Variants in CERCAM observed in about 807,000 individuals in gnomAD.
CERCAM encodes the protein inactive glycosyltransferase 25 family member 3.
A neutral mutation model predicts 66.0 loss-of-function variants in CERCAM; 59 were observed. The ratio of observed to expected loss-of-function variants is 0.89; its 90% CI spans 0.73 to 1.11. CERCAM has a LOEUF of 1.11. Ranked by LOEUF, CERCAM falls within the 50% of genes most tolerant of loss-of-function variation. The probability of loss-of-function intolerance (pLI) is 0.00; values close to 1 mark genes in which losing one functional copy is unlikely to be tolerated. For missense variants in CERCAM, 840 were observed against 828.3 expected (o/e 1.01, Z -0.17); for synonymous variants, 318 against 343.6 (o/e 0.93, Z 0.83).
In CERCAM at chr9:128,424,520, AGG is replaced by A; in HGVS notation, c.675_676del (p.Ala226ArgfsTer38). 1.2e-6 allele frequency: 2 copies of A among 1,613,872 alleles called. No homozygotes were observed. The highest frequency in any genetic ancestry group is 1.7e-6 in the Non-Finnish European group (2 of 1,180,004). On this transcript the variant is annotated frameshift_variant, in exon 5 of 13. Transcript: ENST00000372838. LOFTEE classifies it high-confidence loss of function. ...CCTTCCTTGCATCCCTGCGGGCTGA[AGG>A]GGCAGACCAGCTTGCTTTCTACCCG... ...STFLASLRAE[G>X]ADQLAFYPPH... is the part of the protein sequence containing the mutation.
intron 3 of CERCAM, 170 bp from the exon 4 acceptor site, chr9:128,423,968 G>C (rs1475116151): frequency 5.5e-6 from 4 of 721,128 alleles, no homozygotes; most frequent in Non-Finnish European, 9.3e-6. Flanking sequence ...CAGTGCCCCA[G>C]ACTAGAGCCT....
At chr9:128,421,173 A>G (rs1833701464) in intron 1 of CERCAM, 99 bp downstream of exon 1, 3 of 1,253,432 alleles carry the variant, frequency 2.4e-6, no homozygotes, top group African/African-American at 1.6e-5. Flanking sequence ...CCCTGCCCAG[A>G]CACCACCTAG....
upstream of CERCAM, chr9:128,419,317 G>A (rs1833658016): frequency 6.6e-6 from 1 of 152,286 alleles, no homozygotes; most frequent in Non-Finnish European, 1.5e-5. Context: ...CCCTCCCCTT[G>A]CAGTGGAGAT....
chr9:128,426,147 G>A lies in CERCAM; in HGVS notation c.766+1533G>A, dbSNP rs187573368. Among the ~76,000 whole-genome samples, 598 of 152,190 alleles carry A rather than the reference G, an allele frequency of 3.9e-3. 2 individuals carry two copies. The highest frequency in any genetic ancestry group is 0.013 in the African/African-American group (523 of 41,542). ...AAAAAAATTTAAAAATTAACTTGGC[G>A]TGTTGGCCCACGCCTGTAGTCCCAG... On this transcript the variant is annotated intron_variant, in intron 5 of 12. Coordinates refer to ENST00000372838, the MANE Select transcript of CERCAM (RefSeq NM_016174.5).
At chr9:128,421,639 G>A (rs1284668123) in intron 1 of CERCAM, 3 of 589,196 alleles carry the variant, frequency 5.1e-6, no homozygotes, top group African/African-American at 4.1e-5. Context: ...TGTCAGCCAA[G>A]GGCAGTCCCC....
At position 128,435,869 on chromosome 9, in the gene CERCAM, G is replaced by A; in HGVS notation, c.1752G>A (p.Gly584=). The change falls in exon 12 of 13, where the codon GGG becomes GGA. Residue 584 remains glycine (G), a synonymous_variant. Coordinates refer to ENST00000372838, the MANE Select transcript of CERCAM (RefSeq NM_016174.5). ...SPRLDLTGSS[G]HSLQPQPRDE... ...GCCTGGACCTGACTGGCAGCAGCGG[G>A]CACAGCCTCCAACCCCAGCCCCGAG... 6.2e-7 allele frequency: 1 copy of A among 1,607,788 alleles called. No individual in the cohort carries two copies.
In CERCAM at chr9:128,434,002, C is replaced by T; in HGVS notation, c.1204-100C>T. On this transcript the variant is annotated intron_variant, in intron 9 of 12. Transcript: ENST00000372838. The surrounding 1 kb of genome is among the most constrained non-coding windows in gnomAD (Gnocchi z 4.5). ...CTTTGGGGCAACTGCATGATGTGGC[C>T]AGGCCAACTGAGGCCAGGCAGAGGC... 1 of 1,508,478 alleles carries T rather than the reference C, an allele frequency of 6.6e-7. No homozygotes were observed. Among genetic ancestry groups the T allele is most frequent in the Non-Finnish European group, 9.0e-7 (1 of 1,116,758 alleles). 93.4% of individuals were successfully genotyped at this position (1,508,478 alleles called of 1,614,324 possible). A position where few individuals can be genotyped will look rare whatever the true frequency, so the allele number is the denominator to read the frequency against.
At chr9:128,430,955 G>T in intron 8 of CERCAM, 1 of 515,916 alleles carries the variant, frequency 1.9e-6, no homozygotes, top group East Asian at 3.2e-5. Flanking sequence ...GTTTCAGTGA[G>T]CTGAGATGGT....
intron 5 of CERCAM, among the ~76,000 whole-genome samples, chr9:128,427,336 C>T (rs1157514773): frequency 1.3e-5 from 2 of 151,974 alleles, no homozygotes; most frequent in Non-Finnish European, 2.9e-5. Flanking sequence ...TGGTCTTGAA[C>T]TCCTGACCTC....
chr9:128,429,854 T>A (rs1833934946), intron 8 of CERCAM, among the ~76,000 whole-genome samples: 1 of 151,834 alleles, frequency 6.6e-6, no homozygotes, highest in African/African-American at 2.4e-5. Flanking sequence ...AGTGGCGCAA[T>A]CTTGGCTCAC....
Position 128,434,202 on chromosome 9 carries a change from AG to A in CERCAM, c.1306del (p.Ala436GlnfsTer8). 1 of 1,614,106 alleles carries A rather than the reference AG, an allele frequency of 6.2e-7. No homozygotes were observed. The highest frequency in any genetic ancestry group is 1.1e-5 in the South Asian group (1 of 91,084). ...CTGGAGCGGCTGATGGAGGATGTGGAGGCAGAGAAACTGTCTTGGGACCTGA... is the reference window on the plus strand; with the variant it reads ...CTGGAGCGGCTGATGGAGGATGTGGAGCAGAGAAACTGTCTTGGGACCTGA... ...GRLERLMEDV[E>X]AEKLSWDLIY... is the part of the protein sequence containing the mutation. On this transcript the variant is annotated frameshift_variant, in exon 10 of 13. Transcript: ENST00000372838. LOFTEE classifies it high-confidence loss of function. This position sits in a 1 kb window ranked among gnomAD's most constrained non-coding sequence, Gnocchi z 4.5.
intron 9 of CERCAM, among the ~76,000 whole-genome samples, chr9:128,432,424 A>C (rs1588627113): frequency 1.5e-5 from 2 of 132,228 alleles, no homozygotes; most frequent in African/African-American, 2.9e-5. Context: ...TTGCTCTGGC[A>C]CCCAGGCGGG....
At position 128,434,457 on chromosome 9, in the gene CERCAM, A is replaced by G. The variant is rs777189294; in HGVS notation, c.1379A>G (p.Glu460Gly). 4 of 1,613,844 alleles carry G rather than the reference A, an allele frequency of 2.5e-6. No homozygotes were observed. The Admixed American group carries it at 6.7e-5, about 27-fold the overall frequency. Residue 460 changes from glutamate to glycine, a missense_variant, in exon 11 of 13, where the codon GAG (glutamate) becomes GGG (glycine). Physicochemically the swap from Glu to Gly is moderately conservative, Grantham distance 98 (BLOSUM62 -2). Transcript: ENST00000372838. The surrounding 1 kb of genome is among the most constrained non-coding windows in gnomAD (Gnocchi z 4.5). The stretch of plus-strand genomic sequence containing the variant: ...AACCCTGAGAAGGAGACGGCCGTGG[A>G]GGGGCTGCCGGGCCTGGTGGTGGCT... Reference protein sequence around the residue: ...QVNPEKETAVEGLPGLVVAGY... With the variant: ...QVNPEKETAVGGLPGLVVAGY...
chr9:128,428,266 C>T (rs1010632300), intron 5 of CERCAM, 36 bp from the exon 6 acceptor site: 14 of 1,607,300 alleles, frequency 8.7e-6, no homozygotes, highest in East Asian at 2.2e-5. Flanking sequence ...AGAGCCCCAC[C>T]CTCCACTGCA....
chr9:128,424,242 C>G lies in CERCAM; in HGVS notation c.531C>G (p.Tyr177Ter). The G allele has an allele frequency of 6.2e-7, 1 of 1,614,190 alleles. No individual in the cohort carries two copies. The highest frequency in any genetic ancestry group is 8.5e-7 in the Non-Finnish European group (1 of 1,180,030). ...CAATGCTGGACTCCCAGACCTACTACTCCAACTTCTGGTGTGGGATCACCC... is the reference window on the plus strand; with the variant it reads ...CAATGCTGGACTCCCAGACCTACTAGTCCAACTTCTGGTGTGGGATCACCC... ...VAPMLDSQTY[Y>*]SNFWCGITPQ... Residue 177 changes from tyrosine to a stop codon, truncating the protein, a stop_gained, in exon 4 of 13, where the codon TAC becomes TAG. Coordinates refer to ENST00000372838, the MANE Select transcript of CERCAM (RefSeq NM_016174.5). LOFTEE classifies it high-confidence loss of function.
At chr9:128,419,640 C>G (rs911649045), upstream of CERCAM, 107 of 152,348 alleles carry the variant, frequency 7.0e-4, no homozygotes, top group African/African-American at 2.5e-3. Flanking sequence ...GTGACAGACA[C>G]CCAGTTCGAT....
At chr9:128,421,475 G>A in intron 1 of CERCAM, 1 of 997,032 alleles carries the variant, frequency 1.0e-6, no homozygotes, top group Non-Finnish European at 1.2e-6. Flanking sequence ...GGCCCAACGT[G>A]GCAGGGATCG....
At chr9:128,425,907 G>T (rs1338597031) in intron 5 of CERCAM, among the ~76,000 whole-genome samples, 1 of 139,904 alleles carries the variant, frequency 7.1e-6, no homozygotes, top group Non-Finnish European at 1.5e-5. Context: ...CTACAGTGTT[G>T]ACCTCCCCCA....
At chr9:128,430,066 A>G (rs534996397) in intron 8 of CERCAM, among the ~76,000 whole-genome samples, 23 of 152,188 alleles carry the variant, frequency 1.5e-4, no homozygotes, top group Admixed American at 1.5e-3. Flanking sequence ...AGCCTCCTGA[A>G]TAACGGACTA....
Sources: gnomAD v4.1 joint callset for allele counts (sites outside exome capture counted in the v4.1 genomes callset) on GRCh38, gnomAD v4.1.1 for gene constraint, Gnocchi (gnomAD v3.1) non-coding constraint, MANE v1.5 for transcripts, NCBI Gene and HGNC (gene_info 2026-07-23, HGNC 2026-07-21) for gene names.